Variants in DOK6 observed in about 807,000 individuals in gnomAD.
DOK6 encodes docking protein 6.
A neutral mutation model predicts 44.0 loss-of-function variants in DOK6; 22 were observed. The observed-to-expected ratio is 0.50, with a 90% CI of 0.36 to 0.71. The LOEUF (loss-of-function observed/expected upper bound fraction) is 0.71, where lower values mean the gene tolerates loss of function less well. Ranked by LOEUF, DOK6 falls within the 30% of genes least tolerant of loss-of-function variation. DOK6 has a pLI of 0.00. For synonymous variants in DOK6, 166 were observed against 145.5 expected (o/e 1.14, Z -1.01); for missense variants, 340 against 416.4 (o/e 0.82, Z 1.60).
intron 7 of DOK6, among the ~76,000 whole-genome samples, chr18:69,815,608 A>G (rs1043718988): frequency 6.6e-6 from 1 of 152,192 alleles, no homozygotes; most frequent in Non-Finnish European, 1.5e-5. Flanking sequence ...GACAAGTAAG[A>G]GAAAATCTTA....
intron 1 of DOK6, among the ~76,000 whole-genome samples, chr18:69,551,290 T>C (rs1432555954): frequency 6.6e-6 from 1 of 152,238 alleles, no homozygotes; most frequent in African/African-American, 2.4e-5. Context: ...ATCGTGAAGC[T>C]TGTGCCTGGG....
intron 3 of DOK6, among the ~76,000 whole-genome samples, chr18:69,652,119 T>A (rs566638269): frequency 7.2e-5 from 11 of 152,132 alleles, no homozygotes; most frequent in Non-Finnish European, 1.5e-4. Flanking sequence ...AATAAGGGTG[T>A]CCTTCTTTCA....
chr18:69,670,827 T>G (rs1223866846), intron 3 of DOK6, among the ~76,000 whole-genome samples: 1 of 152,122 alleles, frequency 6.6e-6, no homozygotes, highest in Admixed American at 6.5e-5. Flanking sequence ...CATTTTCTAT[T>G]GGCATCTATT....
chr18:69,752,347 G>A (rs1251093097), intron 6 of DOK6, among the ~76,000 whole-genome samples: 2 of 152,028 alleles, frequency 1.3e-5, no homozygotes, highest in Non-Finnish European at 2.9e-5. Flanking sequence ...GGGGAACAAC[G>A]GTCATAATTC....
At chr18:69,515,312 A>G (rs888315745) in intron 1 of DOK6, among the ~76,000 whole-genome samples, 15 of 152,338 alleles carry the variant, frequency 9.8e-5, no homozygotes, top group African/African-American at 3.4e-4. Context: ...AATGCATATG[A>G]AAGGAATTAT....
intron 1 of DOK6, among the ~76,000 whole-genome samples, chr18:69,508,723 A>C (rs1013084844): frequency 6.6e-6 from 1 of 152,078 alleles, no homozygotes; most frequent in Non-Finnish European, 1.5e-5. Context: ...GCCATTGCAT[A>C]CTATAGCAGA....
intron 3 of DOK6, among the ~76,000 whole-genome samples, chr18:69,677,303 G>A (rs1985943888): frequency 1.3e-5 from 2 of 150,514 alleles, no homozygotes; most frequent in Non-Finnish European, 3.0e-5. Flanking sequence ...AAAATTAAAT[G>A]TATTTATTAT....
chr18:69,741,265 A>G (rs187263580), intron 6 of DOK6, among the ~76,000 whole-genome samples: 6 of 152,340 alleles, frequency 3.9e-5, no homozygotes, highest in Admixed American at 1.3e-4. Context: ...AGAGTGTTTG[A>G]TTTAATTCAG....
chr18:69,725,129 A>T (rs58869101), intron 5 of DOK6, among the ~76,000 whole-genome samples: 1 of 152,156 alleles, frequency 6.6e-6, no homozygotes, highest in Non-Finnish European at 1.5e-5. Context: ...AAATAACTTC[A>T]TTTGGGTCCA....
intron 5 of DOK6, among the ~76,000 whole-genome samples, chr18:69,724,549 A>G (rs2144726238): frequency 6.6e-6 from 1 of 152,370 alleles, no homozygotes; most frequent in Non-Finnish European, 1.5e-5. Context: ...AGGGTAAAAG[A>G]GTAAATTTCT....
intron 1 of DOK6, among the ~76,000 whole-genome samples, chr18:69,514,565 T>G (rs1981462728): frequency 6.6e-6 from 1 of 152,122 alleles, no homozygotes; most frequent in African/African-American, 2.4e-5. Context: ...GTACATATAA[T>G]TCATATAGAC....
intron 1 of DOK6, among the ~76,000 whole-genome samples, chr18:69,488,046 G>A (rs1274375224): frequency 6.6e-6 from 1 of 152,146 alleles, no homozygotes; most frequent in Non-Finnish European, 1.5e-5. Flanking sequence ...GAGGTAGACT[G>A]TCCAAGATCA....
chr18:69,530,455 T>G (rs941104023), intron 1 of DOK6, among the ~76,000 whole-genome samples: 4 of 152,140 alleles, frequency 2.6e-5, no homozygotes, highest in African/African-American at 7.2e-5. Context: ...CAGCAGGGCC[T>G]GGATAGCAGA....
At chr18:69,469,873 TC>T in intron 1 of DOK6, 1 of 234,756 alleles carries the variant, frequency 4.3e-6, no homozygotes. Flanking sequence ...TGCCGACCCT[TC>T]CCCAGGAAGT....
At chr18:69,482,266 G>A (rs1262957454) in intron 1 of DOK6, among the ~76,000 whole-genome samples, 1 of 152,122 alleles carries the variant, frequency 6.6e-6, no homozygotes, top group African/African-American at 2.4e-5. Flanking sequence ...TGTTGCCATT[G>A]CTTTTGGTGT....
chr18:69,828,544 TAA>T (rs896526533), intron 7 of DOK6, among the ~76,000 whole-genome samples: 1 of 151,772 alleles, frequency 6.6e-6, no homozygotes, highest in African/African-American at 2.4e-5. Flanking sequence ...ATAAGAGACA[TAA>T]GACTATTTTT....
chr18:69,516,100 G>A (rs777042468), intron 1 of DOK6, among the ~76,000 whole-genome samples: 2 of 152,180 alleles, frequency 1.3e-5, no homozygotes, highest in African/African-American at 4.8e-5. Context: ...ACTGAAAGCA[G>A]GGACCTTGTC....
chr18:69,643,232 G>C (rs1422686566), intron 3 of DOK6, among the ~76,000 whole-genome samples: 2 of 151,996 alleles, frequency 1.3e-5, no homozygotes, highest in African/African-American at 2.4e-5. Flanking sequence ...TCCTAAACAG[G>C]GTATTGACAT....
chr18:69,612,432 TGTGTGC>T (rs1984171751), intron 3 of DOK6, among the ~76,000 whole-genome samples: 1 of 147,432 alleles, frequency 6.8e-6, no homozygotes, highest in Non-Finnish European at 1.5e-5. Flanking sequence ...CGAGGGCGCA[TGTGTGC>T]GAGGGCGCAT....
Sources: gnomAD v4.1 joint callset for allele counts (sites outside exome capture counted in the v4.1 genomes callset) on GRCh38, gnomAD v4.1.1 for gene constraint, MANE v1.5 for transcripts, NCBI Gene and HGNC (gene_info 2026-07-23, HGNC 2026-07-21) for gene names.